The following ALCAM variants were observed in gnomAD, a reference collection of about 807,000 sequenced individuals.
ALCAM encodes activated leukocyte cell adhesion molecule, also known as CD166 antigen.
Under a neutral mutation model 70.9 loss-of-function variants are expected in ALCAM, and 30 were observed. The observed-to-expected ratio is 0.42, with a 90% CI of 0.32 to 0.57. ALCAM has a LOEUF of 0.57. ALCAM is among the 20% of genes least tolerant of loss of function. The probability of loss-of-function intolerance (pLI) is 0.11; values close to 1 mark genes in which losing one functional copy is unlikely to be tolerated. For missense variants in ALCAM, 591 were observed against 695.1 expected, an observed-to-expected ratio of 0.85 and a Z score of 1.68; for synonymous variants, 249 against 242.5, an observed-to-expected ratio of 1.03 and a Z score of -0.25.
At chr3:105,492,961 A>G (rs564407128) in intron 1 of ALCAM, among the ~76,000 whole-genome samples, 4 of 152,166 alleles carry the variant, frequency 2.6e-5, no homozygotes, top group Non-Finnish European at 5.9e-5. Flanking sequence ...TAGAAAAATT[A>G]TTGTTTTGAT....
intron 1 of ALCAM, among the ~76,000 whole-genome samples, chr3:105,462,048 C>T (rs918631883): frequency 3.3e-5 from 5 of 151,426 alleles, no homozygotes; most frequent in East Asian, 3.9e-4. Flanking sequence ...TGAATATGGA[C>T]ATACTATATC....
chr3:105,415,103 G>T (rs185400082), intron 1 of ALCAM, among the ~76,000 whole-genome samples: 9 of 152,200 alleles, frequency 5.9e-5, no homozygotes, highest in Admixed American at 2.6e-4. Context: ...AACATGCAGC[G>T]TAGTCCTTTT....
chr3:105,543,855 G>A (rs1237060549), intron 8 of ALCAM, among the ~76,000 whole-genome samples: 2 of 151,542 alleles, frequency 1.3e-5, no homozygotes, highest in Non-Finnish European at 3.0e-5. Flanking sequence ...TCTACATGTT[G>A]GTACATGGTT....
At chr3:105,466,118 C>G (rs777646207) in intron 1 of ALCAM, among the ~76,000 whole-genome samples, 1 of 151,416 alleles carries the variant, frequency 6.6e-6, no homozygotes, top group Non-Finnish European at 1.5e-5. Context: ...CCCTTAAGTG[C>G]TAGCTCAAAG....
At position 105,540,110 on chromosome 3, in the gene ALCAM, C is replaced by T. The variant is rs1227994212; in HGVS notation, c.858+8C>T. On this transcript the variant is annotated splice_region_variant and intron_variant, in intron 7 of 15. Transcript: ENST00000306107. ...TTTTTGTTTTACTTACCAGTAAGTG[C>T]TTAAGTATTACTTCAGTTGGATGAC... 6.2e-7 allele frequency: 1 copy of T among 1,608,966 alleles called. No individual in the cohort carries two copies.
At chr3:105,550,362 G>T in intron 12 of ALCAM, 103 bp downstream of exon 12, 1 of 1,177,482 alleles carries the variant, frequency 8.5e-7, no homozygotes, top group Non-Finnish European at 1.2e-6. Context: ...ATTATGGTAA[G>T]TTTTATTTAT....
intron 1 of ALCAM, among the ~76,000 whole-genome samples, chr3:105,460,195 G>C (rs1225016020): frequency 6.6e-6 from 1 of 151,848 alleles, no homozygotes; most frequent in East Asian, 1.9e-4. Context: ...TTTCCCTTTT[G>C]TCGTTATGAA....
At chr3:105,573,603 G>A (rs985390441) in intron 15 of ALCAM, among the ~76,000 whole-genome samples, 2 of 152,108 alleles carry the variant, frequency 1.3e-5, no homozygotes, top group African/African-American at 4.8e-5. Flanking sequence ...TCTCAAAAGA[G>A]GTATGTTTCC....
intron 1 of ALCAM, among the ~76,000 whole-genome samples, chr3:105,379,848 C>CA: frequency 6.6e-6 from 1 of 151,490 alleles, no homozygotes; most frequent in Admixed American, 6.6e-5. Context: ...TCATATAATT[C>CA]AAAAAATGCT....
At chr3:105,376,276 A>G (rs1935376642) in intron 1 of ALCAM, among the ~76,000 whole-genome samples, 1 of 152,156 alleles carries the variant, frequency 6.6e-6, no homozygotes, top group African/African-American at 2.4e-5. Context: ...AATAAATGAA[A>G]CCACAGGTTT....
chr3:105,534,764 C>T lies in ALCAM; in HGVS notation c.649C>T (p.Pro217Ser), dbSNP rs748157879. The T allele has an allele frequency of 5.0e-6, 8 of 1,613,638 alleles. No homozygotes were observed. The highest frequency in any genetic ancestry group is 6.8e-6 in the Non-Finnish European group (8 of 1,179,798). ...YKTTKADIQMPFTCSVTYYGP... is the reference protein window; with the variant it reads ...YKTTKADIQMSFTCSVTYYGP... ...GACAACCAAGGCTGACATACAAATGCCATTCACCTGCTCGGTGACATATTA... is the reference window on the plus strand; with the variant it reads ...GACAACCAAGGCTGACATACAAATGTCATTCACCTGCTCGGTGACATATTA... Residue 217 changes from proline (P) to serine (S), a missense_variant, in exon 6 of 16, where the codon CCA becomes TCA. Physicochemically the swap from Pro to Ser is moderately conservative, Grantham distance 74 (BLOSUM62 -1). Around this residue, in one of 2 missense-constraint regions of ALCAM, gnomAD observed 427 missense variants for 450.4 expected, o/e 0.95. Transcript: ENST00000306107.
chr3:105,508,406 A>G (rs1939139699), intron 1 of ALCAM, among the ~76,000 whole-genome samples: 1 of 152,162 alleles, frequency 6.6e-6, no homozygotes, highest in Admixed American at 6.5e-5. Context: ...TGCAGGGAGA[A>G]CAGTTTCCTA....
intron 4 of ALCAM, among the ~76,000 whole-genome samples, chr3:105,532,732 A>G (rs1939871665): frequency 1.3e-5 from 2 of 152,188 alleles, no homozygotes; most frequent in South Asian, 2.1e-4. Context: ...GGGAAACAGC[A>G]AATTTTGGCA....
At chr3:105,533,474 G>T (rs1412387284) in intron 4 of ALCAM, 129 bp from the exon 5 acceptor site, 1 of 587,614 alleles carries the variant, frequency 1.7e-6, no homozygotes, top group Non-Finnish European at 3.1e-6. Context: ...TTCAGTCTTT[G>T]GTCAGTGTTG....
At chr3:105,411,795 A>G (rs889885878) in intron 1 of ALCAM, among the ~76,000 whole-genome samples, 2 of 152,042 alleles carry the variant, frequency 1.3e-5, no homozygotes, top group African/African-American at 4.8e-5. Flanking sequence ...GCTGCCATAG[A>G]TAGCTTCTGA....
intron 1 of ALCAM, among the ~76,000 whole-genome samples, chr3:105,490,050 G>C (rs1400870920): frequency 1.3e-5 from 2 of 152,068 alleles, no homozygotes; most frequent in African/African-American, 4.8e-5. Flanking sequence ...AAGATATTTT[G>C]TTTACCTAGC....
chr3:105,526,670 G>A (rs1939713450), intron 3 of ALCAM, among the ~76,000 whole-genome samples: 1 of 152,084 alleles, frequency 6.6e-6, no homozygotes, highest in African/African-American at 2.4e-5. Flanking sequence ...TTATGATAAA[G>A]ACAATGTTTA....
intron 6 of ALCAM, among the ~76,000 whole-genome samples, chr3:105,539,248 T>G (rs946343843): frequency 3.3e-5 from 5 of 152,174 alleles, no homozygotes; most frequent in Non-Finnish European, 5.9e-5. Context: ...ATTTCCTGTT[T>G]GCTAGATATG....
chr3:105,377,311 T>C (rs867536055), intron 1 of ALCAM, among the ~76,000 whole-genome samples: 3 of 152,250 alleles, frequency 2.0e-5, no homozygotes, highest in South Asian at 4.1e-4. Flanking sequence ...ATCCTAATCA[T>C]GTTATTGTCC....
Sources: allele counts gnomAD v4.1 joint callset (sites outside exome capture counted in the v4.1 genomes callset), GRCh38; gene constraint gnomAD v4.1.1; regional missense constraint gnomAD v4.1.1; transcripts MANE v1.5; gene names NCBI Gene and HGNC (gene_info 2026-07-23, HGNC 2026-07-21).